Variants in PDSS1 observed in about 807,000 individuals in gnomAD.
PDSS1 encodes the protein decaprenyl diphosphate synthase subunit 1, also known as all trans-polyprenyl-diphosphate synthase PDSS1.
PDSS1 carries 43 observed loss-of-function variants against 57.5 expected under a neutral mutation model. That is an observed-to-expected ratio of 0.75 (90% CI 0.59 to 0.96). The LOEUF (loss-of-function observed/expected upper bound fraction) is 0.96, where lower values mean the gene tolerates loss of function less well. Ranked by LOEUF, PDSS1 falls within the 50% of genes least tolerant of loss-of-function variation. The probability of loss-of-function intolerance (pLI) is 0.00; values close to 1 mark genes in which losing one functional copy is unlikely to be tolerated. For missense variants in PDSS1, 438 were observed against 527.8 expected (o/e 0.83, Z 1.67); for synonymous variants, 175 against 191.3 (o/e 0.91, Z 0.70).
At chr10:26,718,214 T>C (rs1421740585) in intron 5 of PDSS1, 1 of 152,102 alleles carries the variant, frequency 6.6e-6, no homozygotes, top group African/African-American at 2.4e-5. Context: ...GACTAATCTT[T>C]GTATTTTAAG....
intron 8 of PDSS1, chr10:26,734,668 G>C: frequency 2.2e-6 from 1 of 456,260 alleles, no homozygotes; most frequent in Non-Finnish European, 4.4e-6. Flanking sequence ...GTCTGAAGCA[G>C]GAGGCTTGAG....
intron 2 of PDSS1, 81 bp from the exon 3 acceptor site, chr10:26,704,596 A>G (rs1835149959): frequency 6.6e-6 from 5 of 758,286 alleles, no homozygotes; most frequent in South Asian, 1.4e-5. Flanking sequence ...GATAAAGATT[A>G]TAATTATGGG....
chr10:26,726,831 G>C (rs1835963408), intron 8 of PDSS1, among the ~76,000 whole-genome samples: 1 of 152,170 alleles, frequency 6.6e-6, no homozygotes, highest in Admixed American at 6.5e-5. Context: ...GGAGGCCGAG[G>C]CGAGTGGATC....
intron 10 of PDSS1, among the ~76,000 whole-genome samples, chr10:26,736,779 TAAG>T (rs1836421034): frequency 6.6e-6 from 1 of 152,142 alleles, no homozygotes; most frequent in African/African-American, 2.4e-5. Flanking sequence ...GAGGCTGAGG[TAAG>T]AAGTGAAAGG....
intron 8 of PDSS1, among the ~76,000 whole-genome samples, chr10:26,733,248 G>C (rs925339078): frequency 6.6e-6 from 1 of 152,042 alleles, no homozygotes; most frequent in Non-Finnish European, 1.5e-5. Context: ...GTATCATTCT[G>C]TCCTGAGCCC....
intron 8 of PDSS1, among the ~76,000 whole-genome samples, chr10:26,731,082 C>G (rs112219846): frequency 0.051 from 7,795 of 152,132 alleles, 643 homozygotes; most frequent in African/African-American, 0.18. Context: ...TGGCACACAC[C>G]TGTAATCCCA....
chr10:26,706,421 G>T (rs557269735), intron 4 of PDSS1, among the ~76,000 whole-genome samples: 26 of 152,248 alleles, frequency 1.7e-4, no homozygotes, highest in African/African-American at 5.8e-4. Flanking sequence ...GCTTGCCTGC[G>T]CCTTCTCTGG....
intron 5 of PDSS1, 34 bp from the exon 6 acceptor site, chr10:26,720,184 C>T (rs753472393): frequency 3.7e-6 from 6 of 1,611,676 alleles, no homozygotes; most frequent in Non-Finnish European, 5.1e-6. Context: ...TTCTAGGCGG[C>T]GTCTGTTAAA....
chr10:26,711,688 A>C lies in PDSS1; in HGVS notation c.467+1920A>C, dbSNP rs1835411341. On this transcript the variant is annotated intron_variant, in intron 5 of 11. Coordinates refer to ENST00000376215, the MANE Select transcript of PDSS1 (RefSeq NM_014317.5). ...GCCACATTGTTCTTTGTTGGGGGTC[A>C]CTGGGGGCTGCCATGTGCATTACAG... is the stretch of plus-strand genomic sequence containing the variant. Among the ~76,000 whole-genome samples the C allele has an allele frequency of 4.2e-5, 4 of 96,218 alleles. 2 individuals carry two copies. Among genetic ancestry groups the C allele is most frequent in the Admixed American group, 2.6e-4 (2 of 7,684 alleles). The allele number at this position is 96,218 out of a possible 152,430, so 63.1% of individuals were successfully genotyped here.
intron 8 of PDSS1, among the ~76,000 whole-genome samples, chr10:26,729,974 A>G (rs543682251): frequency 1.1e-4 from 14 of 132,656 alleles, no homozygotes; most frequent in Admixed American, 2.7e-4. Flanking sequence ...GTGCAGTGGC[A>G]CTATCTCAGC....
At chr10:26,697,924 A>G in intron 1 of PDSS1, 84 bp downstream of exon 1, 4 of 1,177,118 alleles carry the variant, frequency 3.4e-6, no homozygotes, top group Non-Finnish European at 4.3e-6. Context: ...GGGAGCGGGG[A>G]GCACGTGCGT....
intron 8 of PDSS1, among the ~76,000 whole-genome samples, chr10:26,734,103 A>G (rs984274696): frequency 6.6e-6 from 1 of 152,184 alleles, no homozygotes; most frequent in African/African-American, 2.4e-5. Context: ...TGTGATTTCT[A>G]CATTGTACAG....
intron 11 of PDSS1, among the ~76,000 whole-genome samples, chr10:26,743,188 G>GT (rs1446511513): frequency 6.6e-6 from 1 of 152,180 alleles, no homozygotes; most frequent in Non-Finnish European, 1.5e-5. Flanking sequence ...ATATTGCCAC[G>GT]TATCTTCAGA....
In PDSS1 at chr10:26,705,286, G is replaced by C. The variant is rs1371465378; in HGVS notation, c.228G>C (p.Arg76=). The change falls in exon 4 of 12, where the codon CGG becomes CGC. Residue 76 remains arginine, a splice_region_variant and synonymous_variant. Coordinates refer to ENST00000376215, the MANE Select transcript of PDSS1 (RefSeq NM_014317.5). ...SACPNVCRIS[R]FHHTTPDSKT... is the part of the protein sequence containing the mutation. ...TCATGTGCATTTTTGCATGTCCCAG[G>C]TTTCATCACACAACCCCAGACAGTA... 3 of 1,588,566 alleles carry C rather than the reference G, an allele frequency of 1.9e-6. No homozygotes were observed. The Admixed American group carries it at 5.0e-5, about 26-fold the overall frequency.
chr10:26,738,549 T>A (rs551451542), intron 10 of PDSS1, among the ~76,000 whole-genome samples: 1 of 152,366 alleles, frequency 6.6e-6, no homozygotes, highest in African/African-American at 2.4e-5. Context: ...ATGTCTTTGC[T>A]ATTGTAAACA....
At chr10:26,709,535 T>A in intron 4 of PDSS1, 103 bp from the exon 5 acceptor site, 1 of 1,170,450 alleles carries the variant, frequency 8.5e-7, no homozygotes, top group African/African-American at 1.5e-5. Context: ...CACTCCAGTC[T>A]GGGCAACAAG....
intron 4 of PDSS1, among the ~76,000 whole-genome samples, chr10:26,709,218 G>A (rs1835340248): frequency 6.6e-6 from 1 of 152,132 alleles, no homozygotes; most frequent in South Asian, 2.1e-4. Flanking sequence ...ACGGAGTGTT[G>A]AATTTCTCAA....
chr10:26,725,760 C>T (rs920625168), intron 8 of PDSS1, among the ~76,000 whole-genome samples: 2 of 152,072 alleles, frequency 1.3e-5, no homozygotes, highest in African/African-American at 4.8e-5. Context: ...GATAATTTCA[C>T]AATTTGAGAC....
chr10:26,714,410 G>GGCTGCAGTGAGCAGAGATTGCGCC (rs1835494586), intron 5 of PDSS1, among the ~76,000 whole-genome samples: 1 of 151,172 alleles, frequency 6.6e-6, no homozygotes, highest in Non-Finnish European at 1.5e-5. Context: ...AGGAGGTGGA[G>GGCTGCAGTGAGCAGAGATTGCGCC]GCTGCAGTGA....
Sources: gnomAD v4.1 joint callset for allele counts (sites outside exome capture counted in the v4.1 genomes callset) on GRCh38, gnomAD v4.1.1 for gene constraint, MANE v1.5 for transcripts, NCBI Gene and HGNC (gene_info 2026-07-23, HGNC 2026-07-21) for gene names.